Variants in THAP4 observed in about 807,000 individuals in gnomAD.
The protein encoded by THAP4 is THAP domain containing 4.
Under a neutral mutation model 48.1 loss-of-function variants are expected in THAP4, and 18 were observed. The observed-to-expected ratio is 0.37, with a 90% CI of 0.26 to 0.56. The LOEUF (loss-of-function observed/expected upper bound fraction) is 0.56. THAP4 is among the 20% of genes least tolerant of loss of function. The probability of loss-of-function intolerance (pLI) is 0.78; values close to 1 mark genes in which losing one functional copy is unlikely to be tolerated. For missense variants in THAP4, 656 were observed against 774.9 expected, an observed-to-expected ratio of 0.85 and a Z score of 1.82; for synonymous variants, 345 against 324.9, an observed-to-expected ratio of 1.06 and a Z score of -0.66.
chr2:241,630,716 T>C (rs1432198186), intron 2 of THAP4, among the ~76,000 whole-genome samples: 2 of 149,890 alleles, frequency 1.3e-5, no homozygotes, highest in Non-Finnish European at 1.5e-5. Context: ...GAGGTGGAGG[T>C]TGCGGTGAGC....
Position 241,601,690 on chromosome 2 carries a change from C to T in THAP4, c.1614+206G>A. On this transcript the variant is annotated intron_variant, in intron 5 of 5. Coordinates refer to ENST00000407315, the MANE Select transcript of THAP4 (RefSeq NM_015963.6). This position sits in a 1 kb window ranked among gnomAD's most constrained non-coding sequence, Gnocchi z 4.0. ...CAAACAACAAACCTCAAAAAAACCACACCACTGACCAGCCGAGGAGGGGGC... is the reference window on the plus strand; with the variant it reads ...CAAACAACAAACCTCAAAAAAACCATACCACTGACCAGCCGAGGAGGGGGC... 2 of 885,026 alleles carry T rather than the reference C, an allele frequency of 2.3e-6. No individual in the cohort carries two copies. The highest frequency in any genetic ancestry group is 3.3e-6 in the Non-Finnish European group (2 of 603,970). The allele number at this position is 885,026 out of a possible 1,614,324, so 54.8% of individuals were successfully genotyped here.
intron 2 of THAP4, among the ~76,000 whole-genome samples, chr2:241,614,714 C>T (rs1214661300): frequency 2.6e-5 from 4 of 151,964 alleles, no homozygotes; most frequent in African/African-American, 9.7e-5. Flanking sequence ...GATGAAACCC[C>T]GTCTCTACTA....
At chr2:241,591,571 G>A (rs2066979498) in intron 5 of THAP4, among the ~76,000 whole-genome samples, 2 of 152,160 alleles carry the variant, frequency 1.3e-5, no homozygotes, top group Admixed American at 6.5e-5. Flanking sequence ...GTGAGAAGCA[G>A]ACCCCTGATG....
Position 241,633,505 on chromosome 2 carries a change from T to C in THAP4, c.652A>G (p.Met218Val), listed in dbSNP as rs770943923. 1.2e-5 allele frequency: 19 copies of C among 1,613,994 alleles called. No individual in the cohort carries two copies. The highest frequency in any genetic ancestry group is 8.8e-5 in the South Asian group (8 of 91,088). The change falls in exon 2 of 6, where the codon ATG (methionine) becomes GTG (valine). Residue 218 changes from methionine (M) to valine (V), a missense_variant. Physicochemically the swap from Met to Val is conservative, Grantham distance 21 (BLOSUM62 1). Coordinates refer to ENST00000407315, the MANE Select transcript of THAP4 (RefSeq NM_015963.6). The surrounding 1 kb of genome is among the most constrained non-coding windows in gnomAD (Gnocchi z 7.5). ...GATCCTGGGGGCGTAAAGTCATCCA[T>C]AGAAATGCCACTCTTATCTGTCACG... is the stretch of plus-strand genomic sequence containing the variant. Reference protein sequence around the residue: ...GGVTDKSGISMDDFTPPGSGA... With the variant: ...GGVTDKSGISVDDFTPPGSGA...
intron 2 of THAP4, among the ~76,000 whole-genome samples, chr2:241,621,057 T>A (rs1246711343): frequency 6.6e-6 from 1 of 152,116 alleles, no homozygotes. Context: ...AAATTAAAAT[T>A]ACTGGTTAGT....
chr2:241,637,353 C>G, upstream of THAP4: 1 of 1,336,870 alleles, frequency 7.5e-7, no homozygotes, highest in Non-Finnish European at 9.7e-7. Context: ...GCGCCGAGCA[C>G]GTCCGTACCG....
intron 2 of THAP4, among the ~76,000 whole-genome samples, chr2:241,627,089 T>C (rs1426436500): frequency 6.6e-6 from 1 of 152,204 alleles, no homozygotes; most frequent in Non-Finnish European, 1.5e-5. Flanking sequence ...GAGAATTCCT[T>C]CACCCTCTCA....
chr2:241,603,095 G>C lies in THAP4; in HGVS notation c.1401-16C>G. The C allele has an allele frequency of 1.9e-6, 3 of 1,604,934 alleles. No homozygotes were observed. The highest frequency in any genetic ancestry group is 2.6e-6 in the Non-Finnish European group (3 of 1,171,968). On this transcript the variant is annotated splice_polypyrimidine_tract_variant and intron_variant, in intron 3 of 5. Coordinates refer to ENST00000407315, the MANE Select transcript of THAP4 (RefSeq NM_015963.6). ...GGAGTTGAACCTGGACGGGAAGTTG[G>C]AGTTGAGAAGCCCAGGCACTGGCCT...
intron 1 of THAP4, among the ~76,000 whole-genome samples, chr2:241,634,519 T>A (rs1344274830): frequency 6.6e-6 from 1 of 152,138 alleles, no homozygotes; most frequent in African/African-American, 2.4e-5. Flanking sequence ...CACTAGGGCG[T>A]GAGAGGTCAG....
rs776791686 is a variant in THAP4 at position 241,633,008 on chromosome 2, G to A, written c.1149C>T (p.Ser383=). The change falls in exon 2 of 6, where the codon TCC becomes TCT. Residue 383 remains serine, a synonymous_variant. Transcript: ENST00000407315. The surrounding 1 kb of genome is among the most constrained non-coding windows in gnomAD (Gnocchi z 7.5). The stretch of plus-strand genomic sequence containing the variant: ...CCTGTAGCTTCCGCACCTGGCTGTC[G>A]GAGCGGCTGACCCTCTGCCGCAGGC... ...LKSLRQRVSR[S]DSQVRKLQEK... is the part of the protein sequence containing the mutation. 33 of 1,613,512 alleles carry A rather than the reference G, an allele frequency of 2.0e-5. No homozygotes were observed. The highest frequency in any genetic ancestry group is 2.7e-5 in the Non-Finnish European group (32 of 1,179,940).
chr2:241,637,216 G>C (rs1165055455), upstream of THAP4: 1 of 991,510 alleles, frequency 1.0e-6, no homozygotes, highest in African/African-American at 1.8e-5. Flanking sequence ...CCGCGTCCTC[G>C]CCAGCCGCGG....
chr2:241,606,593 G>T (rs150222570), intron 2 of THAP4, 120 bp from the exon 3 acceptor site: 2 of 973,998 alleles, frequency 2.1e-6, no homozygotes, highest in East Asian at 2.7e-5. Context: ...AATCCTGGGG[G>T]ACCTGTCAAG....
In THAP4 at chr2:241,610,362, C is replaced by G. The variant is rs1275071119; in HGVS notation, c.1241-3889G>C. Among the ~76,000 whole-genome samples, 1 of 152,210 alleles carries G rather than the reference C, an allele frequency of 6.6e-6. No individual in the cohort carries two copies. Among genetic ancestry groups the G allele is most frequent in the East Asian group, 1.9e-4 (1 of 5,188 alleles). Reference sequence around the variant, plus strand: ...GGACCGGGAGGGCCGCGCTCGCCCCCCAGCGCCAGGGTCACGCCACCGCGC... The same window carrying G: ...GGACCGGGAGGGCCGCGCTCGCCCCGCAGCGCCAGGGTCACGCCACCGCGC... On this transcript the variant is annotated intron_variant, in intron 2 of 5. Coordinates refer to ENST00000407315, the MANE Select transcript of THAP4 (RefSeq NM_015963.6). This position sits in a 1 kb window ranked among gnomAD's most constrained non-coding sequence, Gnocchi z 4.2.
intron 2 of THAP4, among the ~76,000 whole-genome samples, chr2:241,620,981 AAGAG>A (rs1162487667): frequency 2.0e-5 from 3 of 152,118 alleles, no homozygotes; most frequent in Non-Finnish European, 2.9e-5. Flanking sequence ...AAAAAATCTG[AAGAG>A]AGAGAGTGAG....
intron 2 of THAP4, among the ~76,000 whole-genome samples, chr2:241,622,858 C>T (rs778899443): frequency 3.9e-5 from 6 of 152,200 alleles, no homozygotes; most frequent in Admixed American, 6.5e-5. Context: ...ACACCTCAGC[C>T]TCTCAAAGCT....
At chr2:241,607,141 T>G (rs2067194144) in intron 2 of THAP4, among the ~76,000 whole-genome samples, 1 of 151,832 alleles carries the variant, frequency 6.6e-6, no homozygotes, top group Non-Finnish European at 1.5e-5. Context: ...TTAGAAGGTC[T>G]CCTGTGGGGT....
At position 241,637,092 on chromosome 2, in the gene THAP4, G is replaced by A. The variant is rs2067682875; in HGVS notation, c.-75C>T. On this transcript the variant is annotated 5_prime_UTR_variant, in exon 1 of 6. Transcript: ENST00000407315. ...CCCGCCCGCGGACCGCCCCGAGGGA[G>A]GGAGCGCGGCGGCGACACGGCTCGG... The A allele has an allele frequency of 5.8e-6, 6 of 1,028,912 alleles. No homozygotes were observed. Among genetic ancestry groups the A allele is most frequent in the African/African-American group, 1.7e-5 (1 of 57,362 alleles). The allele number at this position is 1,028,912 out of a possible 1,614,324, so 63.7% of individuals were successfully genotyped here.
At chr2:241,590,847 T>C (rs555038338) in intron 5 of THAP4, among the ~76,000 whole-genome samples, 40 of 147,142 alleles carry the variant, frequency 2.7e-4, no homozygotes, top group African/African-American at 9.0e-4. Flanking sequence ...CGGCTGACGA[T>C]AATGGGCACT....
rs201942151 is a variant in THAP4 at position 241,584,600 on chromosome 2, CTAG to C, written c.*3_*5del. On this transcript the variant is annotated 3_prime_UTR_variant, in exon 6 of 6. Coordinates refer to ENST00000407315, the MANE Select transcript of THAP4 (RefSeq NM_015963.6). ...GGCCCTCCCGAGGGCTCCAGAAGCT[CTAG>C]GTTTACGGGGTCACCTTCTTGTAGG... The C allele has an allele frequency of 1.8e-3, 2,930 of 1,614,136 alleles. 47 individuals carry two copies. In the African/African-American group the frequency reaches 0.035, roughly 19 times the overall value.
Sources: gnomAD v4.1 joint callset for allele counts (sites outside exome capture counted in the v4.1 genomes callset) on GRCh38, gnomAD v4.1.1 for gene constraint, Gnocchi (gnomAD v3.1) non-coding constraint, MANE v1.5 for transcripts, NCBI Gene and HGNC (gene_info 2026-07-23, HGNC 2026-07-21) for gene names.